APOL3: variants seen among roughly 807,000 people sequenced by gnomAD.
The protein encoded by APOL3 is TNF-inducible protein CG12-1.
Under a neutral mutation model 11.6 loss-of-function variants are expected in APOL3, and 14 were observed. That is an observed-to-expected ratio of 1.21 (90% CI 0.80 to 1.89). The LOEUF is 1.89. Among genes scored for constraint, APOL3 ranks in the 40% most tolerant of loss-of-function variants. APOL3 has a pLI of 0.00. For synonymous variants in APOL3, 192 were observed against 190.6 expected (o/e 1.01, Z -0.06); for missense variants, 483 against 492.1 (o/e 0.98, Z 0.17).
At chr22:36,148,987 C>T (rs2060325886) in intron 1 of APOL3, 59 bp downstream of exon 2, 24 of 1,355,992 alleles carry the variant, frequency 1.8e-5, no homozygotes, top group Non-Finnish European at 2.3e-5. Flanking sequence ...GTGGAAACGC[C>T]ACCCTCCATT....
In APOL3 at chr22:36,152,254, GA is replaced by G. The variant is rs541847171; in HGVS notation, c.224-6656del. On this transcript the variant is annotated intron_variant, in intron 1 of 2. Coordinates refer to ENST00000349314, the Ensembl canonical transcript of APOL3. Reference sequence around the variant, plus strand: ...ATGAAGGCAAACAGTACAAGAGGGGGAAAAAACAAAGGCAATTAGAAACATC... The same window carrying G: ...ATGAAGGCAAACAGTACAAGAGGGGGAAAAACAAAGGCAATTAGAAACATC... 1.7e-4 allele frequency among the ~76,000 whole-genome samples: 26 copies of G among 152,190 alleles called. No homozygotes were observed. In the South Asian group the frequency reaches 5.0e-3, roughly 29 times the overall value.
chr22:36,150,517 C>G (rs1487166970), intron 1 of APOL3, among the ~76,000 whole-genome samples: 4 of 152,184 alleles, frequency 2.6e-5, no homozygotes, highest in Non-Finnish European at 5.9e-5. Context: ...AGACTGGGTT[C>G]CCACCCAACC....
At chr22:36,153,105 C>G (rs771746341) in intron 1 of APOL3, among the ~76,000 whole-genome samples, 2 of 151,276 alleles carry the variant, frequency 1.3e-5, no homozygotes, top group Non-Finnish European at 2.9e-5. Context: ...GAGTGAAATT[C>G]TGTCTCAGAA....
At chr22:36,152,732 G>T (rs1247723543) in intron 1 of APOL3, among the ~76,000 whole-genome samples, 2 of 152,152 alleles carry the variant, frequency 1.3e-5, no homozygotes, top group Non-Finnish European at 2.9e-5. Context: ...CCAAACTCAA[G>T]TGCCCAATCT....
intron 2 of APOL3, among the ~76,000 whole-genome samples, chr22:36,145,009 C>CAAAAAAAAAAAAAAAAAA (rs1312228074): frequency 2.6e-5 from 1 of 37,936 alleles, no homozygotes; most frequent in African/African-American, 5.7e-5. Flanking sequence ...GACTCTGTCT[C>CAAAAAAAAAAAAAAAAAA]AAAAAAAAAA....
upstream of APOL3, among the ~76,000 whole-genome samples, chr22:36,164,118 T>C (rs1191577616): frequency 2.6e-5 from 4 of 152,244 alleles, no homozygotes; most frequent in African/African-American, 9.6e-5. Context: ...CTAATGTTTT[T>C]TTCCAACACC....
intron 1 of APOL3, among the ~76,000 whole-genome samples, chr22:36,146,859 G>A (rs748630610): frequency 3.4e-4 from 51 of 152,140 alleles, no homozygotes; most frequent in Non-Finnish European, 5.4e-4. Flanking sequence ...AAAATGTGTG[G>A]TTTGCAGGGA....
At chr22:36,141,152 G>T (rs200374951) in exon 3 of APOL3, 2 of 1,566,544 alleles carry the variant, frequency 1.3e-6, no homozygotes, top group Admixed American at 3.8e-5. Flanking sequence ...GCATTTTGTC[G>T]TGGCCTGTGT....
intron 1 of APOL3, among the ~76,000 whole-genome samples, chr22:36,158,226 T>C (rs1171526745): frequency 1.3e-5 from 2 of 152,122 alleles, no homozygotes; most frequent in East Asian, 3.8e-4. Context: ...CTAAAGTGAC[T>C]AATAATGTCC....
At chr22:36,163,274 G>A (rs1003442951), upstream of APOL3, among the ~76,000 whole-genome samples, 9 of 152,170 alleles carry the variant, frequency 5.9e-5, no homozygotes, top group African/African-American at 2.2e-4. Context: ...AGAGCCGATT[G>A]GGATTCAGAT....
chr22:36,163,280 C>T (rs1332000995), upstream of APOL3, among the ~76,000 whole-genome samples: 1 of 152,184 alleles, frequency 6.6e-6, no homozygotes, highest in Non-Finnish European at 1.5e-5. Context: ...GATTGGGATT[C>T]AGATCATGGG....
intron 1 of APOL3, among the ~76,000 whole-genome samples, chr22:36,154,171 C>T (rs1473362309): frequency 6.6e-6 from 1 of 152,124 alleles, no homozygotes; most frequent in African/African-American, 2.4e-5. Context: ...CATGTCTGAC[C>T]CCCATTTCCC....
chr22:36,164,364 T>C (rs2013806487), upstream of APOL3, among the ~76,000 whole-genome samples: 1 of 152,222 alleles, frequency 6.6e-6, no homozygotes, highest in Admixed American at 6.5e-5. Context: ...GTCAATTGCA[T>C]ACTCCTTAAA....
exon 3 of APOL3, chr22:36,141,898 G>T: frequency 1.9e-6 from 3 of 1,614,228 alleles, no homozygotes; most frequent in Non-Finnish European, 1.7e-6. Flanking sequence ...GCAAGGGCAC[G>T]AAGCTTTTCT....
chr22:36,164,519 A>G (rs532464413), upstream of APOL3: 4 of 152,340 alleles, frequency 2.6e-5, no homozygotes, highest in African/African-American at 9.6e-5. Context: ...AAGGCTTGCA[A>G]TCACACTTGT....
chr22:36,151,465 A>G (rs1333333145), intron 1 of APOL3, among the ~76,000 whole-genome samples: 2 of 151,520 alleles, frequency 1.3e-5, no homozygotes, highest in South Asian at 2.2e-4. Context: ...AGGAACAAAG[A>G]TGATGGAACA....
chr22:36,156,832 CCT>C, intron 1 of APOL3: 2 of 419,968 alleles, frequency 4.8e-6, no homozygotes, highest in Admixed American at 2.5e-5. Flanking sequence ...AGCTGCATCC[CCT>C]ATGACTGACC....
upstream of APOL3, among the ~76,000 whole-genome samples, chr22:36,161,935 A>C (rs1213254619): frequency 6.6e-6 from 1 of 152,156 alleles, no homozygotes; most frequent in African/African-American, 2.4e-5. Flanking sequence ...CCTTCAAATA[A>C]TAGGTGCTAG....
chr22:36,141,520 C>A (rs751492108), exon 3 of APOL3: 2 of 1,614,170 alleles, frequency 1.2e-6, no homozygotes, highest in African/African-American at 2.7e-5. Context: ...TGCCTGATGG[C>A]ACGGATTTCA....
Sources: gnomAD v4.1 joint callset for allele counts (sites outside exome capture counted in the v4.1 genomes callset) on GRCh38, gnomAD v4.1.1 for gene constraint, MANE v1.5 for transcripts, NCBI Gene and HGNC (gene_info 2026-07-23, HGNC 2026-07-21) for gene names.